STX2: variants seen among roughly 807,000 people sequenced by gnomAD.
The protein encoded by STX2 is syntaxin-2.
In STX2, 27 loss-of-function variants were observed where a neutral mutation model predicts 40.6. The observed-to-expected ratio is 0.66, with a 90% CI of 0.49 to 0.92. The LOEUF is 0.92. STX2 is among the 40% of genes least tolerant of loss of function. STX2 has a pLI of 0.00. For missense variants in STX2, 328 were observed against 366.1 expected, an observed-to-expected ratio of 0.90 and a Z score of 0.85; for synonymous variants, 123 against 119.1, an observed-to-expected ratio of 1.03 and a Z score of -0.22.
At chr12:130,821,219 G>A (rs922492148) in intron 3 of STX2, among the ~76,000 whole-genome samples, 6 of 152,142 alleles carry the variant, frequency 3.9e-5, no homozygotes, top group African/African-American at 9.7e-5. Flanking sequence ...CGTTTCTTCC[G>A]TGCCATCCCC....
At chr12:130,819,084 C>A (rs981269979) in intron 3 of STX2, among the ~76,000 whole-genome samples, 2 of 152,240 alleles carry the variant, frequency 1.3e-5, no homozygotes, top group Admixed American at 6.5e-5. Flanking sequence ...TCCGCGGCTG[C>A]AGGTGGCGCG....
At chr12:130,814,241 C>T (rs1043031039) in intron 3 of STX2, among the ~76,000 whole-genome samples, 3 of 151,970 alleles carry the variant, frequency 2.0e-5, no homozygotes, top group African/African-American at 7.3e-5. Context: ...AACAAGACCG[C>T]CAGGGACCTA....
chr12:130,817,610 A>G (rs1439481410), intron 3 of STX2, among the ~76,000 whole-genome samples: 1 of 152,140 alleles, frequency 6.6e-6, no homozygotes, highest in Admixed American at 6.5e-5. Flanking sequence ...AAGAAGCCTT[A>G]TAAGAAGAGG....
intron 3 of STX2, among the ~76,000 whole-genome samples, chr12:130,818,218 A>ATATATATATATATATATATAT (rs1565924788): frequency 1.3e-4 from 16 of 126,924 alleles, no homozygotes; most frequent in African/African-American, 2.3e-4. Context: ...ATATATATAT[A>ATATATATATATATATATATAT]AAATTATCTG....
chr12:130,826,382 G>C (rs751906446), intron 2 of STX2, among the ~76,000 whole-genome samples: 1 of 152,168 alleles, frequency 6.6e-6, no homozygotes, highest in East Asian at 1.9e-4. Flanking sequence ...AAGGGGCGCC[G>C]CAGGACCTCC....
intron 6 of STX2, among the ~76,000 whole-genome samples, chr12:130,804,583 G>T (rs1242002124): frequency 6.6e-6 from 1 of 151,936 alleles, no homozygotes; most frequent in Non-Finnish European, 1.5e-5. Context: ...CGGCTGTGGG[G>T]TCCACCGTCT....
intron 1 of STX2, among the ~76,000 whole-genome samples, chr12:130,835,016 C>T (rs1311258196): frequency 6.6e-6 from 1 of 152,192 alleles, no homozygotes; most frequent in African/African-American, 2.4e-5. Flanking sequence ...AGGCCAGGCA[C>T]GGTGGCTCAC....
At chr12:130,833,282 C>T (rs964258077) in intron 1 of STX2, among the ~76,000 whole-genome samples, 4 of 126,142 alleles carry the variant, frequency 3.2e-5, no homozygotes, top group African/African-American at 9.9e-5. Context: ...AGACTAAGAC[C>T]CCGCAAGCAC....
At chr12:130,808,168 G>A (rs751066571) in intron 5 of STX2, among the ~76,000 whole-genome samples, 8 of 152,124 alleles carry the variant, frequency 5.3e-5, no homozygotes, top group Non-Finnish European at 1.2e-4. Context: ...ACTGGCCCAC[G>A]TAAGAGGCGG....
chr12:130,795,985 A>C lies in STX2; in HGVS notation c.*45+10T>G. 1.3e-6 allele frequency: 2 copies of C among 1,593,078 alleles called. No individual in the cohort carries two copies. The highest frequency in any genetic ancestry group is 1.7e-6 in the Non-Finnish European group (2 of 1,171,662). On this transcript the variant is annotated intron_variant, in intron 10 of 10. Coordinates refer to ENST00000392373, the MANE Select transcript of STX2 (RefSeq NM_194356.4). ...AAGTTAATAAGTAAATTAGTTGATGAGTTACTTACTCCCACCCTGGCAGAG... is the reference window on the plus strand; with the variant it reads ...AAGTTAATAAGTAAATTAGTTGATGCGTTACTTACTCCCACCCTGGCAGAG...
Position 130,839,093 on chromosome 12 carries a change from C to G in STX2, c.7G>C (p.Asp3His). The part of the protein sequence containing the change: MR[D>H]RLPDLTACRK... Reference sequence around the variant, plus strand: ...ACCGCCGTCAGGTCTGGCAGCCGGTCCCGCATCCCCGCCGGCCGGGCAGCG... The same window carrying G: ...ACCGCCGTCAGGTCTGGCAGCCGGTGCCGCATCCCCGCCGGCCGGGCAGCG... Residue 3 changes from aspartate (D) to histidine (H), a missense_variant, in exon 1 of 11, where the codon GAC becomes CAC. Physicochemically the swap from Asp to His is moderately conservative, Grantham distance 81. Coordinates refer to ENST00000392373, the MANE Select transcript of STX2 (RefSeq NM_194356.4). The G allele has an allele frequency of 1.5e-6, 2 of 1,306,514 alleles. No homozygotes were observed. Among genetic ancestry groups the G allele is most frequent in the Non-Finnish European group, 2.0e-6 (2 of 1,023,694 alleles). The allele number at this position is 1,306,514 out of a possible 1,614,324, so 80.9% of individuals were successfully genotyped here. A position where few individuals can be genotyped will look rare whatever the true frequency, so the allele number is the denominator to read the frequency against.
At chr12:130,812,261 A>G in intron 4 of STX2, 2 of 418,776 alleles carry the variant, frequency 4.8e-6, no homozygotes, top group South Asian at 3.4e-5. Context: ...GGGTTTAGAT[A>G]TAATTGTGGT....
chr12:130,820,051 T>C (rs966359901), intron 3 of STX2, among the ~76,000 whole-genome samples: 7 of 152,358 alleles, frequency 4.6e-5, no homozygotes, highest in Admixed American at 1.3e-4. Flanking sequence ...AACGTACGGC[T>C]ACACTAAGTA....
rs1438874639 is a variant in STX2 at position 130,839,078 on chromosome 12, G to A, written c.22C>T (p.Leu8=). The change falls in exon 1 of 11, where the codon CTG becomes TTG. Residue 8 remains leucine, a synonymous_variant. Transcript: ENST00000392373. The part of the protein sequence containing the change: MRDRLPD[L]TACRKNDDGD... ...CCGCGGCTGCCGCTCACCGCCGTCA[G>A]GTCTGGCAGCCGGTCCCGCATCCCC... 2 of 1,331,684 alleles carry A rather than the reference G, an allele frequency of 1.5e-6. No individual in the cohort carries two copies. Among genetic ancestry groups the A allele is most frequent in the Non-Finnish European group, 1.9e-6 (2 of 1,037,146 alleles). The allele number at this position is 1,331,684 out of a possible 1,614,324, so 82.5% of individuals were successfully genotyped here.
chr12:130,811,578 C>T (rs1240508745), intron 4 of STX2, among the ~76,000 whole-genome samples: 21 of 116,872 alleles, frequency 1.8e-4, no homozygotes, highest in Non-Finnish European at 2.6e-4. Context: ...CTTGCTCTGT[C>T]GCCCAGGCTG....
At chr12:130,826,037 C>G (rs1952289855) in intron 2 of STX2, among the ~76,000 whole-genome samples, 1 of 152,196 alleles carries the variant, frequency 6.6e-6, no homozygotes, top group Non-Finnish European at 1.5e-5. Flanking sequence ...AGGCCTCACA[C>G]CTCAGATAGG....
chr12:130,831,984 C>T (rs1431202563), intron 1 of STX2, among the ~76,000 whole-genome samples: 2 of 151,470 alleles, frequency 1.3e-5, no homozygotes, highest in Non-Finnish European at 2.9e-5. Flanking sequence ...GATCCCTTTG[C>T]CTCAGCCTCC....
At chr12:130,793,203 G>A (rs900606896) in intron 10 of STX2, among the ~76,000 whole-genome samples, 4 of 152,112 alleles carry the variant, frequency 2.6e-5, no homozygotes, top group African/African-American at 9.7e-5. Flanking sequence ...CCTCAGGACC[G>A]GGGAGAGCTG....
intron 6 of STX2, among the ~76,000 whole-genome samples, chr12:130,805,377 C>T (rs1256041031): frequency 6.6e-6 from 1 of 152,190 alleles, no homozygotes; most frequent in Non-Finnish European, 1.5e-5. Context: ...ACGGAACTCT[C>T]GTGTCAGCCA....
Sources: gnomAD v4.1 joint callset for allele counts (sites outside exome capture counted in the v4.1 genomes callset) on GRCh38, gnomAD v4.1.1 for gene constraint, MANE v1.5 for transcripts, NCBI Gene and HGNC (gene_info 2026-07-23, HGNC 2026-07-21) for gene names.